The following HK3 variants were observed in gnomAD, a reference collection of about 807,000 sequenced individuals.
HK3 encodes the protein hexokinase 3.
HK3 carries 93 observed loss-of-function variants against 91.0 expected under a neutral mutation model. That is an observed-to-expected ratio of 1.02 (90% CI 0.86 to 1.21). The LOEUF (loss-of-function observed/expected upper bound fraction) is 1.21, where lower values mean the gene tolerates loss of function less well. Ranked by LOEUF, HK3 falls within the 50% of genes most tolerant of loss-of-function variation. HK3 has a pLI of 0.00. For missense variants in HK3, 1,235 were observed against 1,247.4 expected (o/e 0.99, Z 0.15); for synonymous variants, 519 against 516.9 (o/e 1.00, Z -0.06).
rs1336229780 is a variant in HK3 at position 176,892,367 on chromosome 5, G to A, written c.97-817C>T. Among the ~76,000 whole-genome samples, 32 of 152,156 alleles carry A rather than the reference G, an allele frequency of 2.1e-4. 1 individual carries two copies. The highest frequency in any genetic ancestry group is 2.9e-5 in the Non-Finnish European group (2 of 68,030). On this transcript the variant is annotated intron_variant, in intron 2 of 18. Coordinates refer to ENST00000292432, the MANE Select transcript of HK3 (RefSeq NM_002115.3). ...AGGGAACAAGCCATTCGAAGATCCA[G>A]GGGAAGAGCAAGGGGATGGATTTGG...
At position 176,881,997 on chromosome 5, in the gene HK3, G is replaced by A. The variant is rs375366030; in HGVS notation, c.2184C>T (p.Ser728=). ...FGDDGSLAML[S]TRFDASVDQA... ...GGTCCACACTTGCATCAAAGCGGGT[G>A]CTGAGCATGGCCAGAGAGCCATCGT... Residue 728 remains serine, a synonymous_variant, in exon 16 of 19, where the codon AGC becomes AGT. Coordinates refer to ENST00000292432, the MANE Select transcript of HK3 (RefSeq NM_002115.3). The A allele has an allele frequency of 1.0e-4, 161 of 1,613,372 alleles. No homozygotes were observed. Among genetic ancestry groups the A allele is most frequent in the Non-Finnish European group, 1.2e-4 (137 of 1,180,034 alleles).
At chr5:176,896,042 A>G (rs756588802) in intron 2 of HK3, 22 bp downstream of exon 2, 5 of 1,600,366 alleles carry the variant, frequency 3.1e-6, no homozygotes, top group Middle Eastern at 1.7e-4. Flanking sequence ...AGCATGAAAC[A>G]GGAACCCAGT....
chr5:176,888,545 C>G lies in HK3; in HGVS notation c.1091G>C (p.Arg364Pro). ...EMEDPSTGAA[R>P]VHAILQDLGL... ...CAAGTCCTGCAGGATAGCATGGACA[C>G]GGGCTGCCCCAGTAGAGGGGCTGGA... Residue 364 changes from arginine to proline, a missense_variant, in exon 10 of 19, where the codon CGT becomes CCT. Around this residue, in one of 3 missense-constraint regions of HK3, gnomAD observed 717 missense variants for 751.6 expected, o/e 0.95. Coordinates refer to ENST00000292432, the MANE Select transcript of HK3 (RefSeq NM_002115.3). 1.3e-6 allele frequency: 2 copies of G among 1,559,962 alleles called. No homozygotes were observed. The highest frequency in any genetic ancestry group is 1.9e-5 in the Admixed American group (1 of 51,884).
intron 2 of HK3, among the ~76,000 whole-genome samples, chr5:176,894,209 G>C (rs1758850425): frequency 6.6e-6 from 1 of 152,180 alleles, no homozygotes; most frequent in South Asian, 2.1e-4. Context: ...GAGAAGCCTG[G>C]TGGAAGGGGT....
At position 176,888,343 on chromosome 5, in the gene HK3, C is replaced by T; in HGVS notation, c.1293G>A (p.Glu431=). 6.4e-7 allele frequency: 1 copy of T among 1,556,010 alleles called. No individual in the cohort carries two copies. The highest frequency in any genetic ancestry group is 8.7e-7 in the Non-Finnish European group (1 of 1,149,042). ...CGTTTCCACAATACCTGGGGTGCCG[C>T]TCACACACTCGGCCTCCGGTGGCCA... ...VAVATGGRVC[E]RHPRFCSVLQ... Residue 431 remains glutamate, a synonymous_variant, in exon 10 of 19, where the codon GAG becomes GAA. Transcript: ENST00000292432.
chr5:176,898,420 T>C (rs577990494), intron 1 of HK3, among the ~76,000 whole-genome samples: 1 of 152,196 alleles, frequency 6.6e-6, no homozygotes, highest in South Asian at 2.1e-4. Flanking sequence ...TCTTGTTCTA[T>C]GCTGCAGGTC....
intron 1 of HK3, among the ~76,000 whole-genome samples, chr5:176,897,878 G>A (rs1219155830): frequency 6.6e-6 from 1 of 152,162 alleles, no homozygotes; most frequent in African/African-American, 2.4e-5. Flanking sequence ...CCAGTGGTCT[G>A]TTAGACATCA....
intron 10 of HK3, 95 bp downstream of exon 10, chr5:176,888,237 C>G: frequency 9.4e-7 from 1 of 1,067,426 alleles, no homozygotes; most frequent in Non-Finnish European, 1.4e-6. Context: ...TTCGTGTCCA[C>G]TGGCTTGCAC....
At chr5:176,896,573 C>A (rs1357280532) in intron 1 of HK3, among the ~76,000 whole-genome samples, 1 of 152,162 alleles carries the variant, frequency 6.6e-6, no homozygotes, top group Non-Finnish European at 1.5e-5. Flanking sequence ...AGCAAGATGG[C>A]CACATGTAAT....
At position 176,887,106 on chromosome 5, in the gene HK3, C is replaced by T. The variant is rs754406639; in HGVS notation, c.1753G>A (p.Val585Met). The T allele has an allele frequency of 3.7e-6, 6 of 1,614,060 alleles. No individual in the cohort carries two copies. Among genetic ancestry groups the T allele is most frequent in the Non-Finnish European group, 5.1e-6 (6 of 1,180,030 alleles). The change falls in exon 13 of 19, where the codon GTG (valine) becomes ATG (methionine). Residue 585 changes from valine to methionine, a missense_variant. Val to Met is a conservative substitution (Grantham distance 21, BLOSUM62 1). Around this residue, in one of 3 missense-constraint regions of HK3, gnomAD observed 513 missense variants for 477.4 expected, o/e 1.07. Coordinates refer to ENST00000292432, the MANE Select transcript of HK3 (RefSeq NM_002115.3). The surrounding 1 kb of genome is among the most constrained non-coding windows in gnomAD (Gnocchi z 4.9). ...TGCTGGAAGTCCACGATGCAGTCCA[C>T]GATGTGGTCAAAGAGCTGTGGGGCA... The part of the protein sequence containing the change: ...GSGQQLFDHI[V>M]DCIVDFQQKQ...
chr5:176,898,928 T>C (rs571591272), intron 1 of HK3, among the ~76,000 whole-genome samples: 3 of 152,142 alleles, frequency 2.0e-5, no homozygotes, highest in Non-Finnish European at 4.4e-5. Context: ...AGCCCAGGAA[T>C]GTGAGACTAG....
chr5:176,890,967 C>T (rs768767846), intron 4 of HK3, 26 bp from the exon 5 acceptor site: 3 of 1,613,970 alleles, frequency 1.9e-6, no homozygotes, highest in Middle Eastern at 1.6e-4. Context: ...GGGGGCTCAG[C>T]CTTGCCCATC....
chr5:176,891,489 C>T lies in HK3; in HGVS notation c.158G>A (p.Ser53Asn), dbSNP rs770574386. ...CGCCTGCTCCATGGAACCCAAGAGG[C>T]TGGCTTGGATCTGCTGTAGCTGTGC... ...TRAQLQQIQASLLGSMEQALR... is the reference protein window; with the variant it reads ...TRAQLQQIQANLLGSMEQALR... Residue 53 changes from serine (S) to asparagine (N), a missense_variant, in exon 3 of 19, where the codon AGC becomes AAC. Ser to Asn is a conservative substitution (Grantham distance 46, BLOSUM62 1). This residue lies in a region of HK3 where 717 missense variants were observed against 751.6 expected (regional missense o/e 0.95). Coordinates refer to ENST00000292432, the MANE Select transcript of HK3 (RefSeq NM_002115.3). 1.1e-5 allele frequency: 18 copies of T among 1,614,208 alleles called. No individual in the cohort carries two copies. The highest frequency in any genetic ancestry group is 1.4e-5 in the Non-Finnish European group (17 of 1,180,028).
rs377604241 is a variant in HK3, at chr5:176,891,433, C to A, written c.214G>T (p.Val72Phe). 6.2e-7 allele frequency: 1 copy of A among 1,613,894 alleles called. No individual in the cohort carries two copies. Among genetic ancestry groups the A allele is most frequent in the East Asian group, 2.2e-5 (1 of 44,900 alleles). The part of the protein sequence containing the change: ...LRGQASPAPA[V>F]RMLPTYVGST... The stretch of plus-strand genomic sequence containing the variant: ...CCCACGTATGTAGGCAGCATCCGGA[C>A]CGCAGGGGCAGGGCTGGCCTGTCCC... Residue 72 changes from valine to phenylalanine, a missense_variant, in exon 3 of 19, where the codon GTC becomes TTC. Transcript: ENST00000292432.
At position 176,887,579 on chromosome 5, in the gene HK3, C is replaced by T. The variant is rs759109859; in HGVS notation, c.1472G>A (p.Arg491Gln). Reference sequence around the variant, plus strand: ...CGCAGCCAGTTGATCATGGTTCAACCGGAATGGGGCCAGGGTCTCCTCCAG... The same window carrying T: ...CGCAGCCAGTTGATCATGGTTCAACTGGAATGGGGCCAGGGTCTCCTCCAG... ...RLLEETLAPF[R>Q]LNHDQLAAVQ... Residue 491 changes from arginine to glutamine, a missense_variant, in exon 11 of 19, where the codon CGG becomes CAG. This residue lies in a region of HK3 where 717 missense variants were observed against 751.6 expected (regional missense o/e 0.95). Transcript: ENST00000292432. This position sits in a 1 kb window ranked among gnomAD's most constrained non-coding sequence, Gnocchi z 4.9. The T allele has an allele frequency of 5.6e-6, 9 of 1,613,740 alleles. No homozygotes were observed. Among genetic ancestry groups the T allele is most frequent in the East Asian group, 4.5e-5 (2 of 44,888 alleles).
chr5:176,880,939 C>T lies in HK3; in HGVS notation c.*134G>A, dbSNP rs1414352427. On this transcript the variant is annotated 3_prime_UTR_variant, in exon 19 of 19. Coordinates refer to ENST00000292432, the MANE Select transcript of HK3 (RefSeq NM_002115.3). Reference sequence around the variant, plus strand: ...TCTCAGGGAAAGCCAGGGAGCAAGGCCAAATGGCCGCAGAGGGGTCACACA... The same window carrying T: ...TCTCAGGGAAAGCCAGGGAGCAAGGTCAAATGGCCGCAGAGGGGTCACACA... 11 of 990,128 alleles carry T rather than the reference C, an allele frequency of 1.1e-5. No individual in the cohort carries two copies. Among genetic ancestry groups the T allele is most frequent in the Middle Eastern group, 3.3e-4 (1 of 3,032 alleles). 61.3% of individuals were successfully genotyped at this position (990,128 alleles called of 1,614,324 possible).
At position 176,883,632 on chromosome 5, in the gene HK3, G is replaced by A. The variant is rs1306741181; in HGVS notation, c.2053+138C>T. 5.2e-5 allele frequency: 34 copies of A among 657,388 alleles called. No homozygotes were observed. In the East Asian group the frequency reaches 8.8e-4, roughly 17 times the overall value. 40.7% of individuals were successfully genotyped at this position (657,388 alleles called of 1,614,324 possible). ...CAAGCTCCAAACTGCCAGCCCAAGA[G>A]ATTGTTCCAGAGCCCTACTGGGTCA... is the stretch of plus-strand genomic sequence containing the variant. On this transcript the variant is annotated intron_variant, in intron 15 of 18. Transcript: ENST00000292432.
chr5:176,898,236 A>G (rs1251126743), intron 1 of HK3, among the ~76,000 whole-genome samples: 2 of 152,186 alleles, frequency 1.3e-5, no homozygotes, highest in East Asian at 3.8e-4. Flanking sequence ...CTCTGCACTC[A>G]TGGCCGGCAC....
At chr5:176,895,830 G>A (rs1417083314) in intron 2 of HK3, among the ~76,000 whole-genome samples, 4 of 152,212 alleles carry the variant, frequency 2.6e-5, no homozygotes, top group Non-Finnish European at 5.9e-5. Context: ...CTCCTGTCAT[G>A]TCTTAAACTC....
Sources: gnomAD v4.1 joint callset for allele counts (sites outside exome capture counted in the v4.1 genomes callset) on GRCh38, gnomAD v4.1.1 for gene constraint, gnomAD v4.1.1 regional missense constraint, Gnocchi (gnomAD v3.1) non-coding constraint, MANE v1.5 for transcripts, NCBI Gene and HGNC (gene_info 2026-07-23, HGNC 2026-07-21) for gene names.